PTPRT: variants seen among roughly 807,000 people sequenced by gnomAD.
The protein encoded by PTPRT is receptor-type tyrosine-protein phosphatase T.
In PTPRT, 56 loss-of-function variants were observed where a neutral mutation model predicts 176.8. The ratio of observed to expected loss-of-function variants is 0.32; its 90% CI spans 0.26 to 0.40. PTPRT has a LOEUF of 0.40. PTPRT is among the 10% of genes least tolerant of loss of function. The pLI, the probability that PTPRT is intolerant of heterozygous loss-of-function variation, is 1.00. For synonymous variants in PTPRT, 783 were observed against 739.0 expected (o/e 1.06, Z -0.96); for missense variants, 1,540 against 1,908.2 (o/e 0.81, Z 3.60).
rs78630405 is a variant in PTPRT, at chr20:42,528,641, TC to T, written c.1154-56080del. Among the ~76,000 whole-genome samples, 665 of 152,268 alleles carry T rather than the reference TC, an allele frequency of 4.4e-3. 21 individuals are homozygous for T. The East Asian group carries it at 0.096, about 22-fold the overall frequency. On this transcript the variant is annotated intron_variant, in intron 7 of 30. Coordinates refer to ENST00000373187, the MANE Select transcript of PTPRT (RefSeq NM_007050.6). ...TTACATACAATTCCAAGTGTCAGCCTCAGGATAACCAATGCTATAAGTAGTC... is the reference window on the plus strand; with the variant it reads ...TTACATACAATTCCAAGTGTCAGCCTAGGATAACCAATGCTATAAGTAGTC...
intron 1 of PTPRT, among the ~76,000 whole-genome samples, chr20:42,950,949 A>T (rs995460277): frequency 1.3e-5 from 2 of 152,256 alleles, no homozygotes; most frequent in African/African-American, 4.8e-5. Flanking sequence ...TGTCTGCTTC[A>T]ATCAAGATTC....
At chr20:42,998,657 A>G (rs1055961435) in intron 1 of PTPRT, among the ~76,000 whole-genome samples, 1 of 152,244 alleles carries the variant, frequency 6.6e-6, no homozygotes, top group African/African-American at 2.4e-5. Flanking sequence ...ATCTCTCTGC[A>G]GTATATGGAA....
chr20:42,443,437 T>C (rs559932675), intron 9 of PTPRT, among the ~76,000 whole-genome samples: 2 of 152,368 alleles, frequency 1.3e-5, no homozygotes, highest in Admixed American at 1.3e-4. Context: ...TATCTGTGCA[T>C]GATCTGTCAC....
At chr20:42,574,035 C>T (rs2073212264) in intron 7 of PTPRT, among the ~76,000 whole-genome samples, 1 of 152,164 alleles carries the variant, frequency 6.6e-6, no homozygotes, top group Admixed American at 6.5e-5. Context: ...GCGTGAGCCA[C>T]CGCACCCAGC....
chr20:42,892,821 G>A (rs1266851453), intron 1 of PTPRT, among the ~76,000 whole-genome samples: 1 of 152,154 alleles, frequency 6.6e-6, no homozygotes, highest in African/African-American at 2.4e-5. Context: ...ATGCCACAAG[G>A]GTCTCTTTCC....
At chr20:43,038,518 T>C (rs1390784562) in intron 1 of PTPRT, among the ~76,000 whole-genome samples, 2 of 152,188 alleles carry the variant, frequency 1.3e-5, no homozygotes, top group African/African-American at 4.8e-5. Context: ...TCATCATACT[T>C]AATAAAATTT....
At chr20:43,073,082 AG>A (rs2011202127) in intron 1 of PTPRT, among the ~76,000 whole-genome samples, 1 of 152,204 alleles carries the variant, frequency 6.6e-6, no homozygotes, top group South Asian at 2.1e-4. Flanking sequence ...CAAAAGAGAC[AG>A]GGTCAAAGAG....
intron 1 of PTPRT, among the ~76,000 whole-genome samples, chr20:43,102,737 C>A (rs565189974): frequency 6.6e-6 from 1 of 152,270 alleles, no homozygotes; most frequent in South Asian, 2.1e-4. Flanking sequence ...CAGGACTGCA[C>A]GCTGGTACCT....
chr20:43,028,174 C>T (rs1277317992), intron 1 of PTPRT, among the ~76,000 whole-genome samples: 1 of 152,138 alleles, frequency 6.6e-6, no homozygotes, highest in African/African-American at 2.4e-5. Flanking sequence ...GAACAGAGGG[C>T]ATGCCCTATT....
chr20:42,755,603 A>G (rs1176324995), intron 6 of PTPRT, among the ~76,000 whole-genome samples: 1 of 152,034 alleles, frequency 6.6e-6, no homozygotes. Flanking sequence ...CAATATTGCA[A>G]CACAAAGAAA....
chr20:42,184,023 T>G (rs1057284567), intron 16 of PTPRT, among the ~76,000 whole-genome samples: 2 of 152,130 alleles, frequency 1.3e-5, no homozygotes, highest in Non-Finnish European at 2.9e-5. Context: ...GGGTTGAATA[T>G]GCAAATGAGG....
At chr20:42,612,886 T>C (rs754060504) in intron 7 of PTPRT, among the ~76,000 whole-genome samples, 2 of 151,720 alleles carry the variant, frequency 1.3e-5, no homozygotes, top group Non-Finnish European at 2.9e-5. Flanking sequence ...TGTGGGAATG[T>C]GGTTAGGATA....
intron 3 of PTPRT, among the ~76,000 whole-genome samples, chr20:42,790,233 A>C (rs2145540623): frequency 6.6e-6 from 1 of 152,276 alleles, no homozygotes; most frequent in African/African-American, 2.4e-5. Flanking sequence ...TTAAAAAAAA[A>C]AAAAACAAAA....
chr20:42,446,462 G>A (rs1319191331), intron 9 of PTPRT, among the ~76,000 whole-genome samples: 1 of 152,032 alleles, frequency 6.6e-6, no homozygotes, highest in Non-Finnish European at 1.5e-5. Flanking sequence ...TGAACATCTG[G>A]CACACAGCGT....
At chr20:42,849,244 G>C (rs570657156) in intron 2 of PTPRT, among the ~76,000 whole-genome samples, 2 of 152,158 alleles carry the variant, frequency 1.3e-5, no homozygotes, top group Non-Finnish European at 2.9e-5. Context: ...AGTGGAATTT[G>C]CTAAGTGAAA....
chr20:42,083,531 C>G (rs1432885655), intron 29 of PTPRT, among the ~76,000 whole-genome samples: 6 of 152,188 alleles, frequency 3.9e-5, no homozygotes, highest in African/African-American at 1.4e-4. Context: ...CCCTGAAGCT[C>G]TGTGTGTGCA....
intron 13 of PTPRT, chr20:42,270,379 C>CCCGGG: frequency 2.6e-6 from 4 of 1,541,562 alleles, no homozygotes; most frequent in Non-Finnish European, 3.5e-6. Flanking sequence ...CCCACCCGCC[C>CCCGGG]AGGGCTCTGG....
At position 42,161,472 on chromosome 20, in the gene PTPRT, G is replaced by T; in HGVS notation, c.2562C>A (p.Asp854Glu). 6.2e-7 allele frequency: 1 copy of T among 1,614,152 alleles called. No individual in the cohort carries two copies. Among genetic ancestry groups the T allele is most frequent in the Non-Finnish European group, 8.5e-7 (1 of 1,180,022 alleles). ...TIQTHPYRTC[D>E]PVEMSYPRDQ... is the part of the protein sequence containing the mutation. ...CCCGGGGGTAGCTCATCTCCACAGG[G>T]TCACAGGTGCGGTAGGGATGAGTCT... Residue 854 changes from aspartate to glutamate, a missense_variant, in exon 17 of 31, where the codon GAC becomes GAA. Physicochemically the swap from Asp to Glu is conservative, Grantham distance 45 (BLOSUM62 2). Around this residue, in one of 11 missense-constraint regions of PTPRT, gnomAD observed 255 missense variants for 250.1 expected, o/e 1.02. Transcript: ENST00000373187.
chr20:42,181,188 G>T (rs1488050959), intron 16 of PTPRT, among the ~76,000 whole-genome samples: 1 of 152,172 alleles, frequency 6.6e-6, no homozygotes, highest in Non-Finnish European at 1.5e-5. Flanking sequence ...CAGATATTGG[G>T]AAGGCTCACA....
Sources: gnomAD v4.1 joint callset for allele counts (sites outside exome capture counted in the v4.1 genomes callset) on GRCh38, gnomAD v4.1.1 for gene constraint, gnomAD v4.1.1 regional missense constraint, MANE v1.5 for transcripts, NCBI Gene and HGNC (gene_info 2026-07-23, HGNC 2026-07-21) for gene names.